Variants in MACROD2 observed in about 807,000 individuals in gnomAD.
The protein encoded by MACROD2 is mono-ADP ribosylhydrolase 2.
Under a neutral mutation model 70.4 loss-of-function variants are expected in MACROD2, and 36 were observed. That is an observed-to-expected ratio of 0.51 (90% confidence interval 0.39 to 0.68). The LOEUF (loss-of-function observed/expected upper bound fraction) is 0.68. Among genes scored for constraint, MACROD2 ranks in the 30% least tolerant of loss-of-function variants. The probability of loss-of-function intolerance (pLI) is 0.00; values close to 1 mark genes in which losing one functional copy is unlikely to be tolerated. For synonymous variants in MACROD2, 172 were observed against 178.8 expected (o/e 0.96, Z 0.30); for missense variants, 496 against 538.4 (o/e 0.92, Z 0.78).
intron 8 of MACROD2, among the ~76,000 whole-genome samples, chr20:15,644,045 C>T (rs1263365491): frequency 1.3e-5 from 2 of 152,084 alleles, no homozygotes; most frequent in East Asian, 3.9e-4. Flanking sequence ...TAGACATATA[C>T]CATACCTACT....
At chr20:14,070,180 A>C (rs1569144780) in intron 2 of MACROD2, among the ~76,000 whole-genome samples, 1 of 152,230 alleles carries the variant, frequency 6.6e-6, no homozygotes, top group African/African-American at 2.4e-5. Context: ...GATGTAGCCC[A>C]AAAATGACGT....
chr20:15,695,609 C>A (rs2050357176), intron 8 of MACROD2, among the ~76,000 whole-genome samples: 1 of 152,038 alleles, frequency 6.6e-6, no homozygotes, highest in Non-Finnish European at 1.5e-5. Context: ...TGGGGTTTCA[C>A]CATGTTGGTC....
intron 5 of MACROD2, among the ~76,000 whole-genome samples, chr20:14,779,699 GCC>G (rs1235308174): frequency 6.6e-6 from 1 of 151,960 alleles, no homozygotes; most frequent in Non-Finnish European, 1.5e-5. Context: ...TGTTTAATAG[GCC>G]AATAAATAAT....
chr20:15,794,058 C>T (rs2063650778), intron 8 of MACROD2, among the ~76,000 whole-genome samples: 1 of 151,658 alleles, frequency 6.6e-6, no homozygotes, highest in Non-Finnish European at 1.5e-5. Context: ...CTTAAGATGA[C>T]AGACAACATG....
At position 14,326,637 on chromosome 20, in the gene MACROD2, G is replaced by C. The variant is rs1439083944; in HGVS notation, c.272-166842G>C. Reference sequence around the variant, plus strand: ...GTGTTATATTGTCCAAATCATCAAAGATACCCTGAGGTAAATTACTTAGGT... The same window carrying C: ...GTGTTATATTGTCCAAATCATCAAACATACCCTGAGGTAAATTACTTAGGT... On this transcript the variant is annotated intron_variant, in intron 3 of 17. Coordinates refer to ENST00000684519, the MANE Select transcript of MACROD2 (RefSeq NM_001351661.2). The surrounding 1 kb of genome is among the most constrained non-coding windows in gnomAD (Gnocchi z 5.5). 6.2e-7 allele frequency: 1 copy of C among 1,613,792 alleles called. No individual in the cohort carries two copies. Among genetic ancestry groups the C allele is most frequent in the Non-Finnish European group, 8.5e-7 (1 of 1,179,820 alleles).
At chr20:14,647,779 A>C (rs1985472347) in intron 4 of MACROD2, among the ~76,000 whole-genome samples, 1 of 152,132 alleles carries the variant, frequency 6.6e-6, no homozygotes, top group South Asian at 2.1e-4. Flanking sequence ...CATGATCTGC[A>C]AGGAACTTCC....
rs2066498731 is a variant in MACROD2, at chr20:15,987,230, C to T, written c.1153+72C>T. On this transcript the variant is annotated intron_variant, in intron 15 of 17. Coordinates refer to ENST00000684519, the MANE Select transcript of MACROD2 (RefSeq NM_001351661.2). ...GGATTCCTGCCTAGAATTCAACCAT[C>T]AAAGTTATTCTCATGCAATTACAGT... 2.5e-6 allele frequency: 3 copies of T among 1,217,240 alleles called. No individual in the cohort carries two copies. In the Admixed American group the frequency reaches 7.1e-5, roughly 29 times the overall value. 75.4% of individuals were successfully genotyped at this position (1,217,240 alleles called of 1,614,324 possible). A position where few individuals can be genotyped will look rare whatever the true frequency, so the allele number is the denominator to read the frequency against.
At chr20:15,003,463 A>G (rs2075011241) in intron 5 of MACROD2, among the ~76,000 whole-genome samples, 1 of 152,208 alleles carries the variant, frequency 6.6e-6, no homozygotes, top group South Asian at 2.1e-4. Flanking sequence ...TTTGTTATTA[A>G]ACAGATCATA....
intron 3 of MACROD2, among the ~76,000 whole-genome samples, chr20:14,184,975 T>C (rs1162962563): frequency 6.6e-6 from 1 of 152,074 alleles, no homozygotes; most frequent in Non-Finnish European, 1.5e-5. Context: ...TGTTTACTTG[T>C]TGACTATTCA....
At chr20:15,539,874 G>T (rs1049100828) in intron 8 of MACROD2, among the ~76,000 whole-genome samples, 3 of 152,196 alleles carry the variant, frequency 2.0e-5, no homozygotes, top group Non-Finnish European at 4.4e-5. Context: ...TGTAGTCCCA[G>T]CTACTTGGGA....
intron 4 of MACROD2, among the ~76,000 whole-genome samples, chr20:14,517,780 A>G (rs1025689894): frequency 2.0e-5 from 3 of 152,162 alleles, no homozygotes; most frequent in African/African-American, 7.2e-5. Flanking sequence ...ATACTAAAAA[A>G]AGTATCCTTT....
chr20:15,735,962 C>T (rs1235174652), intron 8 of MACROD2, among the ~76,000 whole-genome samples: 1 of 39,658 alleles, frequency 2.5e-5, no homozygotes, highest in South Asian at 7.8e-4. Context: ...ATACTAAACT[C>T]CTTAGGGATA....
intron 2 of MACROD2, among the ~76,000 whole-genome samples, chr20:14,011,438 A>G (rs2052904772): frequency 6.6e-6 from 1 of 151,612 alleles, no homozygotes; most frequent in African/African-American, 2.4e-5. Flanking sequence ...TTCCTTAATA[A>G]TGAATGTCTT....
rs541467811 is a variant in MACROD2, at chr20:14,845,012, A to G, written c.418+160053A>G. Among the ~76,000 whole-genome samples the G allele has an allele frequency of 4.0e-4, 61 of 152,172 alleles. No homozygotes were observed. In the South Asian group the frequency reaches 9.1e-3, roughly 23 times the overall value. ...TCCCAGCCACAATCTAGCTGTTGAA[A>G]TCTCATCCATCCTTGAATATCTAGC... On this transcript the variant is annotated intron_variant, in intron 5 of 17. Coordinates refer to ENST00000684519, the MANE Select transcript of MACROD2 (RefSeq NM_001351661.2).
chr20:14,030,499 C>G (rs1408431908), intron 2 of MACROD2, among the ~76,000 whole-genome samples: 1 of 152,024 alleles, frequency 6.6e-6, no homozygotes, highest in Non-Finnish European at 1.5e-5. Flanking sequence ...ACCTCTGCCT[C>G]CCGGGTTCAA....
At chr20:14,055,148 T>C (rs902432721) in intron 2 of MACROD2, among the ~76,000 whole-genome samples, 1 of 152,166 alleles carries the variant, frequency 6.6e-6, no homozygotes, top group Admixed American at 6.6e-5. Context: ...CAAGGAAATA[T>C]TTTCTACACA....
chr20:14,845,494 A>G (rs1050325289), intron 5 of MACROD2, among the ~76,000 whole-genome samples: 2 of 152,108 alleles, frequency 1.3e-5, no homozygotes, highest in African/African-American at 4.8e-5. Context: ...ATATTTAATA[A>G]TTAAAAAAAG....
At chr20:14,612,944 C>A (rs1352694946) in intron 4 of MACROD2, among the ~76,000 whole-genome samples, 1 of 152,026 alleles carries the variant, frequency 6.6e-6, no homozygotes, top group Admixed American at 6.6e-5. Context: ...TACTTTATTT[C>A]TTCTATGCAC....
intron 3 of MACROD2, among the ~76,000 whole-genome samples, chr20:14,240,967 A>G (rs1463113510): frequency 3.9e-5 from 6 of 152,184 alleles, no homozygotes; most frequent in Non-Finnish European, 7.4e-5. Flanking sequence ...CCTCTCTACT[A>G]AAAATACAAA....
Sources: allele counts gnomAD v4.1 joint callset (sites outside exome capture counted in the v4.1 genomes callset), GRCh38; gene constraint gnomAD v4.1.1; non-coding constraint Gnocchi (gnomAD v3.1); transcripts MANE v1.5; gene names NCBI Gene and HGNC (gene_info 2026-07-23, HGNC 2026-07-21).